Variants in GSTO1 observed in about 807,000 individuals in gnomAD.
GSTO1 encodes the protein glutathione S-transferase omega 1.
GSTO1 carries 27 observed loss-of-function variants against 23.8 expected under a neutral mutation model. The ratio of observed to expected loss-of-function variants is 1.13; its 90% confidence interval spans 0.83 to 1.56. The LOEUF is 1.56. Among genes scored for constraint, GSTO1 ranks in the 40% most tolerant of loss-of-function variants. GSTO1 has a pLI of 0.00. For missense variants in GSTO1, 255 were observed against 285.8 expected (o/e 0.89, Z 0.78); for synonymous variants, 105 against 109.3 (o/e 0.96, Z 0.25).
In GSTO1 at chr10:104,263,064, C is replaced by G; in HGVS notation, c.452C>G (p.Thr151Ser). 1.4e-6 allele frequency: 2 copies of G among 1,428,042 alleles called. No homozygotes were observed. The highest frequency in any genetic ancestry group is 4.5e-5 in the East Asian group (2 of 44,206). 88.5% of individuals were successfully genotyped at this position (1,428,042 alleles called of 1,614,324 possible). A position where few individuals can be genotyped will look rare whatever the true frequency, so the allele number is the denominator to read the frequency against. ...AAAGAAGAATTTCGTAAAGAATTTA[C>G]CAAGCTAGAGGAGGTAATTATTTCT... ...GLKEEFRKEF[T>S]KLEEVLTNKK... Residue 151 changes from threonine to serine, a missense_variant, in exon 4 of 6, where the codon ACC becomes AGC. Coordinates refer to ENST00000369713, the MANE Select transcript of GSTO1 (RefSeq NM_004832.3).
rs2091596065 is a variant in GSTO1 at position 104,255,144 on chromosome 10, C to T, written c.35-19C>T. ...CGACACCTCTCTGGGCCGTAATCGC[C>T]TTCGCTTCTCCCCGGCAGGAAGCGC... On this transcript the variant is annotated intron_variant, in intron 1 of 5. Transcript: ENST00000369713. 1 of 1,596,180 alleles carries T rather than the reference C, an allele frequency of 6.3e-7. No homozygotes were observed. The highest frequency in any genetic ancestry group is 1.1e-5 in the South Asian group (1 of 90,548).
upstream of GSTO1, chr10:104,254,886 TC>T: frequency 6.3e-7 from 1 of 1,599,428 alleles, no homozygotes; most frequent in Non-Finnish European, 8.5e-7. Context: ...ACTTCCTGAA[TC>T]CCCTGCAAAC....
intron 5 of GSTO1, 142 bp from the exon 6 acceptor site, chr10:104,267,110 A>G (rs952157061): frequency 1.8e-6 from 1 of 544,562 alleles, no homozygotes; most frequent in Non-Finnish European, 3.2e-6. Flanking sequence ...TGAATATTCT[A>G]TTACAGGCAT....
In GSTO1 at chr10:104,266,256, C is replaced by T. The variant is rs188646968; in HGVS notation, c.572+66C>T. The stretch of plus-strand genomic sequence containing the variant: ...GGTGGAATAGTATATATTGACCTTT[C>T]TTTATAACAGAAGTTGAAATATTTA... On this transcript the variant is annotated intron_variant, in intron 5 of 5. Coordinates refer to ENST00000369713, the MANE Select transcript of GSTO1 (RefSeq NM_004832.3). The T allele has an allele frequency of 7.1e-5, 60 of 842,630 alleles. No homozygotes were observed. The African/African-American group carries it at 7.9e-4, about 11-fold the overall frequency. 52.2% of individuals were successfully genotyped at this position (842,630 alleles called of 1,614,324 possible). A position where few individuals can be genotyped will look rare whatever the true frequency, so the allele number is the denominator to read the frequency against.
chr10:104,254,700 G>A (rs2091592397), upstream of GSTO1: 1 of 598,490 alleles, frequency 1.7e-6, no homozygotes, highest in Non-Finnish European at 3.0e-6. Context: ...GTATCTCCCC[G>A]TGGGTGCAGC....
chr10:104,265,087 A>G (rs1418227749), intron 4 of GSTO1, among the ~76,000 whole-genome samples: 8 of 152,234 alleles, frequency 5.3e-5, no homozygotes, highest in Admixed American at 6.5e-5. Flanking sequence ...TTGAACCATC[A>G]TAAGCTGCAG....
At chr10:104,266,056 A>G in intron 4 of GSTO1, 28 bp from the exon 5 acceptor site, 1 of 1,170,968 alleles carries the variant, frequency 8.5e-7, no homozygotes, top group African/African-American at 1.5e-5. Flanking sequence ...CACAAGTAAG[A>G]AATACTTTTA....
At chr10:104,255,474 G>C (rs757934554) in intron 2 of GSTO1, among the ~76,000 whole-genome samples, 5 of 152,280 alleles carry the variant, frequency 3.3e-5, no homozygotes, top group South Asian at 2.1e-4. Context: ...AACGGTCTAG[G>C]ACACCTCATT....
intron 2 of GSTO1, among the ~76,000 whole-genome samples, chr10:104,258,916 C>G (rs2011114221): frequency 6.6e-6 from 1 of 152,098 alleles, no homozygotes; most frequent in African/African-American, 2.4e-5. Flanking sequence ...TGAAAAAGTT[C>G]TTATCACTAA....
chr10:104,259,276 A>T (rs1378863568), intron 2 of GSTO1, among the ~76,000 whole-genome samples: 1 of 152,356 alleles, frequency 6.6e-6, no homozygotes, highest in African/African-American at 2.4e-5. Context: ...AAAATGTGTT[A>T]ATGCTATTCC....
intron 4 of GSTO1, among the ~76,000 whole-genome samples, chr10:104,264,573 T>C (rs2135065394): frequency 6.6e-6 from 1 of 152,370 alleles, no homozygotes; most frequent in African/African-American, 2.4e-5. Flanking sequence ...ATTTGTGTTT[T>C]GTTTTCAAAT....
Position 104,255,248 on chromosome 10 carries a change from A to G in GSTO1, c.120A>G (p.Leu40=), listed in dbSNP as rs563925334. 7.6e-5 allele frequency: 122 copies of G among 1,612,074 alleles called. 2 individuals are homozygous for G. The South Asian group carries it at 1.3e-3, about 17-fold the overall frequency. Residue 40 remains leucine, a synonymous_variant, in exon 2 of 6, where the codon CTA becomes CTG. Transcript: ENST00000369713. ...GCCCGTTTGCTGAGAGGACGCGTCT[A>G]GTCCTGAAGGCCAAGGGAATCAGGT... ...RFCPFAERTR[L]VLKAKGIRHE...
chr10:104,258,989 GAA>G (rs1197114054), intron 2 of GSTO1, among the ~76,000 whole-genome samples: 1 of 152,122 alleles, frequency 6.6e-6, no homozygotes, highest in Non-Finnish European at 1.5e-5. Context: ...TGACTATAAT[GAA>G]AAAAGACAAG....
intron 3 of GSTO1, among the ~76,000 whole-genome samples, chr10:104,261,022 T>C (rs909002662): frequency 6.6e-6 from 1 of 152,148 alleles, no homozygotes; most frequent in Non-Finnish European, 1.5e-5. Context: ...TAAGCCTAAG[T>C]GGTTCTTAAA....
chr10:104,264,781 T>C lies in GSTO1; in HGVS notation c.466-1303T>C, dbSNP rs182139629. On this transcript the variant is annotated intron_variant, in intron 4 of 5. Coordinates refer to ENST00000369713, the MANE Select transcript of GSTO1 (RefSeq NM_004832.3). ...CCTGCTTTAAATGTGCTCAGAAAAC[T>C]TCCATTAGCCTGCAATTAGGCAAAA... Among the ~76,000 whole-genome samples, 5 of 152,312 alleles carry C rather than the reference T, an allele frequency of 3.3e-5. No individual in the cohort carries two copies. The East Asian group carries it at 7.7e-4, about 24-fold the overall frequency.
intron 3 of GSTO1, among the ~76,000 whole-genome samples, chr10:104,262,755 C>T (rs1226849010): frequency 1.3e-5 from 2 of 152,160 alleles, no homozygotes; most frequent in East Asian, 3.9e-4. Flanking sequence ...AGGGTAGCTT[C>T]TGTTATTTGT....
chr10:104,266,494 C>T (rs1468839492), intron 5 of GSTO1, among the ~76,000 whole-genome samples: 3 of 152,152 alleles, frequency 2.0e-5, no homozygotes, highest in Admixed American at 6.5e-5. Context: ...CCCAGCACTT[C>T]GGGAGGCCGA....
At chr10:104,266,731 C>CA (rs34936106) in intron 5 of GSTO1, among the ~76,000 whole-genome samples, 8,827 of 135,672 alleles carry the variant, frequency 0.065, 780 homozygotes, top group African/African-American at 0.2. Flanking sequence ...GACACTTCAT[C>CA]AAAAAAAAAA....
chr10:104,263,746 C>T (rs1401480822), intron 4 of GSTO1, among the ~76,000 whole-genome samples: 1 of 151,916 alleles, frequency 6.6e-6, no homozygotes, highest in South Asian at 2.1e-4. Context: ...GTAGGTTTTT[C>T]AGAAACCTTT....
Sources: gnomAD v4.1 joint callset for allele counts (sites outside exome capture counted in the v4.1 genomes callset) on GRCh38, gnomAD v4.1.1 for gene constraint, MANE v1.5 for transcripts, NCBI Gene and HGNC (gene_info 2026-07-23, HGNC 2026-07-21) for gene names.